MAGI2: variants seen among roughly 807,000 people sequenced by gnomAD.
The protein encoded by MAGI2 is membrane-associated guanylate kinase, WW and PDZ domain-containing protein 2.
Under a neutral mutation model 133.3 loss-of-function variants are expected in MAGI2, and 35 were observed. The ratio of observed to expected loss-of-function variants is 0.26; its 90% CI spans 0.20 to 0.35. MAGI2 has a LOEUF of 0.35. MAGI2 is among the 10% of genes least tolerant of loss of function. The pLI, the probability that MAGI2 is intolerant of heterozygous loss-of-function variation, is 1.00. For synonymous variants in MAGI2, 729 were observed against 710.6 expected, an observed-to-expected ratio of 1.03 and a Z score of -0.41; for missense variants, 1,636 against 1,863.4, an observed-to-expected ratio of 0.88 and a Z score of 2.25.
intron 6 of MAGI2, among the ~76,000 whole-genome samples, chr7:78,431,377 G>A (rs1386086434): frequency 2.6e-5 from 4 of 151,932 alleles, no homozygotes; most frequent in Non-Finnish European, 5.9e-5. Flanking sequence ...GCAAAGCAGT[G>A]GTTGGTAACT....
At chr7:79,102,969 G>A (rs1004703482) in intron 1 of MAGI2, among the ~76,000 whole-genome samples, 2 of 152,242 alleles carry the variant, frequency 1.3e-5, no homozygotes, top group Non-Finnish European at 2.9e-5. Context: ...GCAGGGTTGA[G>A]GCTTCCCTGT....
chr7:79,369,802 GAATT>G (rs1842947504), intron 1 of MAGI2, among the ~76,000 whole-genome samples: 2 of 152,014 alleles, frequency 1.3e-5, no homozygotes, highest in African/African-American at 4.8e-5. Context: ...TCCACTGCAC[GAATT>G]AATAGTTAAT....
intron 6 of MAGI2, among the ~76,000 whole-genome samples, chr7:78,389,984 T>C (rs1208997376): frequency 6.6e-6 from 1 of 152,244 alleles, no homozygotes; most frequent in African/African-American, 2.4e-5. Context: ...AATACTATAC[T>C]TTATTGCCTT....
intron 20 of MAGI2, among the ~76,000 whole-genome samples, chr7:78,079,287 A>C (rs576866629): frequency 6.6e-6 from 1 of 152,360 alleles, no homozygotes; most frequent in South Asian, 2.1e-4. Flanking sequence ...CAGAAATGAA[A>C]ATATCAGACC....
intron 2 of MAGI2, among the ~76,000 whole-genome samples, chr7:78,629,016 TA>T (rs1808672065): frequency 6.6e-6 from 1 of 152,076 alleles, no homozygotes; most frequent in Non-Finnish European, 1.5e-5. Context: ...CTGCTTGCAG[TA>T]TGGCAATGCA....
intron 20 of MAGI2, among the ~76,000 whole-genome samples, chr7:78,098,189 G>A (rs1406534781): frequency 6.6e-6 from 1 of 152,100 alleles, no homozygotes; most frequent in Non-Finnish European, 1.5e-5. Context: ...CCCCTTGCAT[G>A]CTTTCTGACT....
chr7:78,933,507 A>G (rs190586032), intron 2 of MAGI2, among the ~76,000 whole-genome samples: 6 of 152,282 alleles, frequency 3.9e-5, no homozygotes, highest in African/African-American at 1.2e-4. Flanking sequence ...GATGATGAAC[A>G]ATATGCAAAA....
chr7:79,232,036 A>G lies in MAGI2; in HGVS notation c.301+220984T>C, dbSNP rs1325313608. ...GAATTTTGTCAAAGGCTTTTTCTGCATCTATTGAGATAATCATGTGGTTTT... is the reference window on the plus strand; with the variant it reads ...GAATTTTGTCAAAGGCTTTTTCTGCGTCTATTGAGATAATCATGTGGTTTT... On this transcript the variant is annotated intron_variant, in intron 1 of 21. Coordinates refer to ENST00000354212, the MANE Select transcript of MAGI2 (RefSeq NM_012301.4). Among the ~76,000 whole-genome samples the G allele has an allele frequency of 1.1e-4, 17 of 152,248 alleles. 2 individuals carry two copies. The South Asian group carries it at 2.7e-3, about 24-fold the overall frequency.
chr7:78,068,386 C>A (rs1409868279), intron 21 of MAGI2, among the ~76,000 whole-genome samples: 1 of 152,090 alleles, frequency 6.6e-6, no homozygotes. Context: ...GGGTTGGGGA[C>A]CCCTGATATA....
rs565056384 is a variant in MAGI2 at position 78,034,588 on chromosome 7, C to T, written c.3707-14612G>A. 8.0e-3 allele frequency among the ~76,000 whole-genome samples: 1,222 copies of T among 152,168 alleles called. 2 individuals carry two copies. Among genetic ancestry groups the T allele is most frequent in the Non-Finnish European group, 0.013 (866 of 68,002 alleles). Reference sequence around the variant, plus strand: ...TGTCACCCAGGCTGGAGTGCAGTAGCGTGATCTTGCCTCACTGCAACCTCT... The same window carrying T: ...TGTCACCCAGGCTGGAGTGCAGTAGTGTGATCTTGCCTCACTGCAACCTCT... On this transcript the variant is annotated intron_variant, in intron 21 of 21. Coordinates refer to ENST00000354212, the MANE Select transcript of MAGI2 (RefSeq NM_012301.4).
intron 15 of MAGI2, 60 bp from the exon 16 acceptor site, chr7:78,160,333 C>G: frequency 6.7e-7 from 1 of 1,499,352 alleles, no homozygotes. Flanking sequence ...ATGAATGCTT[C>G]CTATGTACTA....
At chr7:78,667,759 A>G (rs1353050972) in intron 2 of MAGI2, among the ~76,000 whole-genome samples, 1 of 152,072 alleles carries the variant, frequency 6.6e-6, no homozygotes, top group South Asian at 2.1e-4. Context: ...CATGGTGTAT[A>G]TGTGCCACAT....
chr7:78,463,675 A>T, intron 6 of MAGI2, among the ~76,000 whole-genome samples: 1 of 152,308 alleles, frequency 6.6e-6, no homozygotes, highest in Non-Finnish European at 1.5e-5. Context: ...GTGGTTTGAT[A>T]TGGAGAAAGT....
intron 6 of MAGI2, among the ~76,000 whole-genome samples, chr7:78,391,609 C>G (rs1483865771): frequency 6.6e-6 from 1 of 152,016 alleles, no homozygotes; most frequent in African/African-American, 2.4e-5. Flanking sequence ...TTAATTTTAC[C>G]CAATTAATAT....
intron 21 of MAGI2, among the ~76,000 whole-genome samples, chr7:78,052,500 C>G (rs1812118397): frequency 6.6e-6 from 1 of 152,168 alleles, no homozygotes; most frequent in African/African-American, 2.4e-5. Flanking sequence ...CAAATAAATC[C>G]CTCTGCTTTA....
chr7:78,650,261 C>A (rs903764487), intron 2 of MAGI2, among the ~76,000 whole-genome samples: 1 of 152,160 alleles, frequency 6.6e-6, no homozygotes, highest in Admixed American at 6.5e-5. Context: ...GATTAGCCTG[C>A]ATGTTTATGA....
At chr7:79,012,652 G>A (rs886492179) in intron 1 of MAGI2, among the ~76,000 whole-genome samples, 2 of 152,066 alleles carry the variant, frequency 1.3e-5, no homozygotes, top group African/African-American at 4.8e-5. Context: ...TTTCAGTCAG[G>A]TAAACAAGTT....
intron 1 of MAGI2, among the ~76,000 whole-genome samples, chr7:79,321,665 T>C (rs976337430): frequency 1.3e-5 from 2 of 152,224 alleles, no homozygotes; most frequent in Non-Finnish European, 2.9e-5. Flanking sequence ...CCAAATTAGC[T>C]ACAATGCTTA....
intron 9 of MAGI2, among the ~76,000 whole-genome samples, chr7:78,341,396 TA>T (rs1467168981): frequency 6.6e-6 from 1 of 152,126 alleles, no homozygotes; most frequent in Non-Finnish European, 1.5e-5. Flanking sequence ...AAATAATTTA[TA>T]GATTTAATGC....
Sources: allele counts gnomAD v4.1 joint callset (sites outside exome capture counted in the v4.1 genomes callset), GRCh38; gene constraint gnomAD v4.1.1; transcripts MANE v1.5; gene names NCBI Gene and HGNC (gene_info 2026-07-23, HGNC 2026-07-21).